Variants in RALYL observed in about 807,000 individuals in gnomAD.
The protein encoded by RALYL is RALY RNA binding protein like.
RALYL carries 29 observed loss-of-function variants against 35.1 expected under a neutral mutation model. The ratio of observed to expected loss-of-function variants is 0.83; its 90% CI spans 0.61 to 1.13. RALYL has a LOEUF of 1.13. RALYL is among the 50% of genes most tolerant of loss of function. RALYL has a pLI of 0.00. For missense variants in RALYL, 359 were observed against 360.4 expected, an observed-to-expected ratio of 1.00 and a Z score of 0.03; for synonymous variants, 120 against 127.6, an observed-to-expected ratio of 0.94 and a Z score of 0.40.
chr8:84,830,449 A>G (rs1418103748), intron 4 of RALYL, among the ~76,000 whole-genome samples: 5 of 152,184 alleles, frequency 3.3e-5, no homozygotes, highest in Admixed American at 2.6e-4. Flanking sequence ...GGTGAAGAGA[A>G]GTACCAAGAT....
At chr8:84,919,330 A>G (rs1848956336) in intron 8 of RALYL, among the ~76,000 whole-genome samples, 2 of 152,032 alleles carry the variant, frequency 1.3e-5, no homozygotes, top group East Asian at 1.9e-4. Flanking sequence ...GTGTTCATCT[A>G]TGGGTTACTT....
chr8:84,741,225 G>A (rs536661085), intron 2 of RALYL, among the ~76,000 whole-genome samples: 57 of 152,048 alleles, frequency 3.7e-4, no homozygotes, highest in Middle Eastern at 3.4e-3. Context: ...AAAGGAAGAT[G>A]ATGACCACAG....
chr8:84,278,416 G>A (rs1243372246), intron 1 of RALYL, among the ~76,000 whole-genome samples: 1 of 152,194 alleles, frequency 6.6e-6, no homozygotes, highest in Non-Finnish European at 1.5e-5. Flanking sequence ...CTGCCATGAA[G>A]GTCTGTGGAG....
chr8:84,545,143 C>T (rs1178015823), intron 2 of RALYL, among the ~76,000 whole-genome samples: 1 of 151,998 alleles, frequency 6.6e-6, no homozygotes, highest in African/African-American at 2.4e-5. Context: ...TTACCATATC[C>T]ATACAGTTAT....
Position 84,921,082 on chromosome 8 carries a change from T to C in RALYL, c.*171T>C. 1 of 423,504 alleles carries C rather than the reference T, an allele frequency of 2.4e-6. No individual in the cohort carries two copies. The allele number at this position is 423,504 out of a possible 1,614,324, so 26.2% of individuals were successfully genotyped here. Reference sequence around the variant, plus strand: ...AGTTTTAGAAATTCCATTTCTTCTATGTTTTAAGCTGTACAATTGTCAGGT... The same window carrying C: ...AGTTTTAGAAATTCCATTTCTTCTACGTTTTAAGCTGTACAATTGTCAGGT... On this transcript the variant is annotated 3_prime_UTR_variant, in exon 9 of 9. Coordinates refer to ENST00000521268, the MANE Select transcript of RALYL (RefSeq NM_173848.7).
intron 5 of RALYL, among the ~76,000 whole-genome samples, chr8:84,851,188 T>A (rs1835785648): frequency 6.6e-6 from 1 of 152,168 alleles, no homozygotes. Flanking sequence ...CAATTAATGA[T>A]CTGAAACAAG....
At chr8:84,461,444 C>T (rs974591243) in intron 1 of RALYL, among the ~76,000 whole-genome samples, 1 of 151,596 alleles carries the variant, frequency 6.6e-6, no homozygotes, top group Non-Finnish European at 1.5e-5. Flanking sequence ...AATAACCATT[C>T]ACTTTTATGT....
At chr8:84,195,945 T>C (rs1426012697) in intron 1 of RALYL, among the ~76,000 whole-genome samples, 1 of 152,236 alleles carries the variant, frequency 6.6e-6, no homozygotes, top group Non-Finnish European at 1.5e-5. Flanking sequence ...TAATATGAAG[T>C]CTATTGTTCA....
chr8:84,672,277 T>C (rs1290811252), intron 2 of RALYL, among the ~76,000 whole-genome samples: 1 of 152,194 alleles, frequency 6.6e-6, no homozygotes, highest in Non-Finnish European at 1.5e-5. Context: ...GACTTTATTG[T>C]CCATATCATT....
Position 84,585,703 on chromosome 8 carries a change from T to C in RALYL, c.256+56126T>C, listed in dbSNP as rs908862758. ...TGTAGTTAATCCCAAAATGCCCTTT[T>C]TTTATACATTAACAAATATTCCAAA... On this transcript the variant is annotated intron_variant, in intron 2 of 8. Transcript: ENST00000521268. Among the ~76,000 whole-genome samples the C allele has an allele frequency of 3.3e-5, 5 of 152,148 alleles. No homozygotes were observed. In the South Asian group the frequency reaches 1.0e-3, roughly 32 times the overall value.
chr8:84,518,025 A>T (rs1204405113), intron 1 of RALYL, among the ~76,000 whole-genome samples: 1 of 152,188 alleles, frequency 6.6e-6, no homozygotes, highest in African/African-American at 2.4e-5. Context: ...ATTCTAAAAA[A>T]CTAAGGTAGA....
intron 1 of RALYL, among the ~76,000 whole-genome samples, chr8:84,508,628 G>C (rs981088813): frequency 2.1e-4 from 32 of 152,004 alleles, no homozygotes; most frequent in African/African-American, 7.5e-4. Context: ...AGTACTGCAT[G>C]CCAAGTACTG....
chr8:84,292,549 T>A (rs1364304057), intron 1 of RALYL, among the ~76,000 whole-genome samples: 2 of 151,622 alleles, frequency 1.3e-5, no homozygotes, highest in Non-Finnish European at 2.9e-5. Context: ...AGATAGGAGG[T>A]CAACACAAAA....
chr8:84,539,884 ATATGTG>A (rs2059901202), intron 2 of RALYL, among the ~76,000 whole-genome samples: 1 of 80,688 alleles, frequency 1.2e-5, no homozygotes, highest in Non-Finnish European at 2.5e-5. Flanking sequence ...ATATGTATAT[ATATGTG>A]TGTGTGTGTG....
chr8:84,599,983 A>G (rs562407023), intron 2 of RALYL, among the ~76,000 whole-genome samples: 2 of 149,878 alleles, frequency 1.3e-5, no homozygotes, highest in South Asian at 4.2e-4. Context: ...GCCTAATCTG[A>G]TGATGGGTCA....
At chr8:84,903,619 C>T (rs1846047358) in intron 8 of RALYL, among the ~76,000 whole-genome samples, 1 of 152,120 alleles carries the variant, frequency 6.6e-6, no homozygotes, top group South Asian at 2.1e-4. Flanking sequence ...ATGCTACATA[C>T]TAATATCAGT....
At chr8:84,811,245 A>G (rs1482054158) in intron 4 of RALYL, among the ~76,000 whole-genome samples, 1 of 152,122 alleles carries the variant, frequency 6.6e-6, no homozygotes, top group African/African-American at 2.4e-5. Context: ...TTTGTCTGAG[A>G]AAGATGGTAT....
chr8:84,262,016 A>T (rs2131822993), intron 1 of RALYL, among the ~76,000 whole-genome samples: 1 of 152,258 alleles, frequency 6.6e-6, no homozygotes, highest in African/African-American at 2.4e-5. Flanking sequence ...AAAGTTATAT[A>T]AAAAATGTTC....
chr8:84,266,355 C>T (rs1833292399), intron 1 of RALYL, among the ~76,000 whole-genome samples: 2 of 152,168 alleles, frequency 1.3e-5, no homozygotes, highest in South Asian at 2.1e-4. Flanking sequence ...ATAGATTATG[C>T]TCCTATTATC....
Sources: gnomAD v4.1 joint callset for allele counts (sites outside exome capture counted in the v4.1 genomes callset) on GRCh38, gnomAD v4.1.1 for gene constraint, MANE v1.5 for transcripts, NCBI Gene and HGNC (gene_info 2026-07-23, HGNC 2026-07-21) for gene names.